Variants in ADGRV1 observed in about 807,000 individuals in gnomAD.
ADGRV1 encodes the protein adhesion G protein-coupled receptor V1.
A neutral mutation model predicts 596.2 loss-of-function variants in ADGRV1; 359 were observed. That is an observed-to-expected ratio of 0.60 (90% confidence interval 0.55 to 0.66). The LOEUF (loss-of-function observed/expected upper bound fraction) is 0.66, where lower values mean the gene tolerates loss of function less well. Ranked by LOEUF, ADGRV1 falls within the 30% of genes least tolerant of loss-of-function variation. The probability of loss-of-function intolerance (pLI) is 0.00; values close to 1 mark genes in which losing one functional copy is unlikely to be tolerated. For missense variants in ADGRV1, 7,274 were observed against 7,575.6 expected (o/e 0.96, Z 1.48); for synonymous variants, 2,681 against 2,679.2 (o/e 1.00, Z -0.02).
intron 85 of ADGRV1, among the ~76,000 whole-genome samples, chr5:90,994,204 A>T (rs754428807): frequency 2.0e-5 from 3 of 151,840 alleles, no homozygotes; most frequent in Non-Finnish European, 4.4e-5. Context: ...CTGGGATTAC[A>T]GGCACCCACC....
intron 1 of ADGRV1, among the ~76,000 whole-genome samples, chr5:90,588,000 T>C (rs1455788572): frequency 6.6e-6 from 1 of 152,246 alleles, no homozygotes; most frequent in Non-Finnish European, 1.5e-5. Flanking sequence ...TATACTGATA[T>C]TACCACTGAG....
At chr5:90,614,709 A>G in intron 1 of ADGRV1, 126 bp from the exon 2 acceptor site, 1 of 744,590 alleles carries the variant, frequency 1.3e-6, no homozygotes, top group Non-Finnish European at 2.4e-6. Flanking sequence ...TTAATAGTAG[A>G]TGTATTTATG....
At position 90,729,870 on chromosome 5, in the gene ADGRV1, A is replaced by ATT. The variant is rs370142714; in HGVS notation, c.10549+118_10549+119dup. On this transcript the variant is annotated intron_variant, in intron 50 of 89. Transcript: ENST00000405460. ...AGTATCACATTGCCAGACACTGGGT[A>ATT]TTTTTTTTTTTTTGGAGATGGGGTC... The ATT allele has an allele frequency of 0.028, 26,202 of 929,510 alleles. 156 individuals carry two copies. Among genetic ancestry groups the ATT allele is most frequent in the South Asian group, 0.088 (5,283 of 59,858 alleles). 57.6% of individuals were successfully genotyped at this position (929,510 alleles called of 1,614,324 possible).
Position 90,694,520 on chromosome 5 carries a change from T to C in ADGRV1, c.7764T>C (p.Asn2588=), listed in dbSNP as rs770066389. ...TTGTGATCTACAATATTAGTCCCAATACTTCCGAAGATGGCTTATTTGTTG... is the reference window on the plus strand; with the variant it reads ...TTGTGATCTACAATATTAGTCCCAACACTTCCGAAGATGGCTTATTTGTTG... ...GVFVIYNISP[N]TSEDGLFVEV... The change falls in exon 33 of 90, where the codon AAT becomes AAC. Residue 2588 remains asparagine (N), a synonymous_variant. Transcript: ENST00000405460. 6.2e-7 allele frequency: 1 copy of C among 1,613,918 alleles called. No homozygotes were observed. Among genetic ancestry groups the C allele is most frequent in the Non-Finnish European group, 8.5e-7 (1 of 1,179,824 alleles).
At chr5:90,868,401 T>C (rs1336194803) in intron 83 of ADGRV1, among the ~76,000 whole-genome samples, 1 of 152,108 alleles carries the variant, frequency 6.6e-6, no homozygotes, top group Non-Finnish European at 1.5e-5. Context: ...TTTTTATTTC[T>C]TTTTTCTAAG....
At chr5:90,739,981 G>A (rs149238007) in intron 50 of ADGRV1, among the ~76,000 whole-genome samples, 517 of 152,270 alleles carry the variant, frequency 3.4e-3, no homozygotes, top group African/African-American at 0.012. Context: ...AAGGGCTTAA[G>A]GAGAGCCCCA....
chr5:90,695,164 G>A (rs946283293), intron 33 of ADGRV1, among the ~76,000 whole-genome samples: 3 of 152,074 alleles, frequency 2.0e-5, no homozygotes, highest in African/African-American at 4.8e-5. Context: ...AAAATTATTT[G>A]TAAGTAAAAG....
chr5:90,823,405 G>T lies in ADGRV1; in HGVS notation c.16197-20G>T. ...GGATGACACCCTCTGTTAAGGCATT[G>T]GTGGGTTTCTTGCTCACAGGGCCTT... On this transcript the variant is annotated intron_variant, in intron 75 of 89. Transcript: ENST00000405460. 1.2e-6 allele frequency: 2 copies of T among 1,611,868 alleles called. No homozygotes were observed. The highest frequency in any genetic ancestry group is 2.2e-5 in the East Asian group (1 of 44,832).
intron 5 of ADGRV1, 87 bp downstream of exon 5, chr5:90,622,788 TG>T: frequency 1.9e-6 from 1 of 522,220 alleles, no homozygotes; most frequent in Non-Finnish European, 3.1e-6. Flanking sequence ...TTGCCCAAGC[TG>T]GAGTGCAGTG....
chr5:91,161,867 G>A (rs1312346412), intron 89 of ADGRV1, among the ~76,000 whole-genome samples: 2 of 152,188 alleles, frequency 1.3e-5, no homozygotes, highest in Non-Finnish European at 2.9e-5. Flanking sequence ...ATAGAGATGG[G>A]CCCTGATGGG....
intron 65 of ADGRV1, among the ~76,000 whole-genome samples, chr5:90,782,749 A>G (rs1758987427): frequency 6.6e-6 from 1 of 152,124 alleles, no homozygotes; most frequent in African/African-American, 2.4e-5. Context: ...GAATGTGTGG[A>G]AGCAATCCAG....
chr5:90,828,324 C>A (rs560467552), intron 76 of ADGRV1, among the ~76,000 whole-genome samples: 1 of 152,058 alleles, frequency 6.6e-6, no homozygotes, highest in Non-Finnish European at 1.5e-5. Context: ...TAGAACCTTA[C>A]AAAATTGAAG....
rs1414866014 is a variant in ADGRV1, at chr5:90,753,808, A to G, written c.11356A>G (p.Ile3786Val). The G allele has an allele frequency of 6.2e-7, 1 of 1,609,542 alleles. No individual in the cohort carries two copies. ...LVGWRAASVF[I>V]RVAEPKENTT... ...GGGCTGGCGTGCTGCGTCTGTCTTC[A>G]TTAGAGTAGCAGAGCCTAAAGGTAA... Residue 3786 changes from isoleucine (I) to valine (V), a missense_variant, in exon 54 of 90, where the codon ATT becomes GTT. Ile to Val is a conservative substitution (Grantham distance 29). Around this residue, in one of 5 missense-constraint regions of ADGRV1, gnomAD observed 3,643 missense variants for 3,809.2 expected, o/e 0.96. Transcript: ENST00000405460.
At chr5:90,618,076 T>C in intron 3 of ADGRV1, 123 bp downstream of exon 3, 1 of 652,782 alleles carries the variant, frequency 1.5e-6, no homozygotes. Flanking sequence ...GGTGGTGGTA[T>C]TCATAGAATC....
intron 85 of ADGRV1, among the ~76,000 whole-genome samples, chr5:91,016,732 C>A (rs1201683383): frequency 6.6e-6 from 1 of 151,916 alleles, no homozygotes; most frequent in African/African-American, 2.4e-5. Context: ...AAAAGAAAGT[C>A]ATTTAGTTCA....
At chr5:90,753,959 CTT>C (rs888478901) in intron 54 of ADGRV1, 130 bp downstream of exon 54, 35 of 854,278 alleles carry the variant, frequency 4.1e-5, no homozygotes, top group Non-Finnish European at 5.8e-5. Context: ...ATACTCAATC[CTT>C]TTTGTTTATT....
chr5:90,887,189 T>C lies in ADGRV1; in HGVS notation c.17856+23332T>C, dbSNP rs377228917. On this transcript the variant is annotated intron_variant, in intron 83 of 89. Coordinates refer to ENST00000405460, the MANE Select transcript of ADGRV1 (RefSeq NM_032119.4). ...ATCTACCACCCACACCACACGGACC[T>C]TGCCTTCATTCCCTGAAGCTGTCGT... Among the ~76,000 whole-genome samples, 733 of 152,230 alleles carry C rather than the reference T, an allele frequency of 4.8e-3. 2 individuals carry two copies. Among genetic ancestry groups the C allele is most frequent in the African/African-American group, 0.017 (690 of 41,530 alleles).
chr5:90,848,926 G>T, intron 79 of ADGRV1, 105 bp downstream of exon 79: 1 of 773,554 alleles, frequency 1.3e-6, no homozygotes, highest in Non-Finnish European at 2.0e-6. Flanking sequence ...AACTAAGAAT[G>T]ATACAGTCAA....
intron 50 of ADGRV1, among the ~76,000 whole-genome samples, chr5:90,741,812 C>T (rs916826609): frequency 6.6e-6 from 1 of 152,082 alleles, no homozygotes; most frequent in Non-Finnish European, 1.5e-5. Flanking sequence ...CTCCTGAAAG[C>T]TGAAATTATG....
Sources: allele counts gnomAD v4.1 joint callset (sites outside exome capture counted in the v4.1 genomes callset), GRCh38; gene constraint gnomAD v4.1.1; regional missense constraint gnomAD v4.1.1; transcripts MANE v1.5; gene names NCBI Gene and HGNC (gene_info 2026-07-23, HGNC 2026-07-21).